ADAMTS2: variants seen among roughly 807,000 people sequenced by gnomAD.
ADAMTS2 encodes ADAM metallopeptidase with thrombospondin type 1 motif 2.
A neutral mutation model predicts 123.0 loss-of-function variants in ADAMTS2; 50 were observed. That is an observed-to-expected ratio of 0.41 (90% confidence interval 0.32 to 0.51). The LOEUF is 0.51. Among genes scored for constraint, ADAMTS2 ranks in the 20% least tolerant of loss-of-function variants. The pLI, the probability that ADAMTS2 is intolerant of heterozygous loss-of-function variation, is 0.35. For missense variants in ADAMTS2, 1,494 were observed against 1,705.2 expected, an observed-to-expected ratio of 0.88 and a Z score of 2.18; for synonymous variants, 678 against 695.4, an observed-to-expected ratio of 0.98 and a Z score of 0.39.
intron 13 of ADAMTS2, among the ~76,000 whole-genome samples, chr5:179,133,295 T>C (rs1324461096): frequency 1.3e-5 from 2 of 152,134 alleles, no homozygotes; most frequent in Non-Finnish European, 2.9e-5. Flanking sequence ...TGAGACGGAA[T>C]CTTGCTCTGT....
Position 179,225,738 on chromosome 5 carries a change from C to A in ADAMTS2, c.689-18023G>T, listed in dbSNP as rs1765267843. On this transcript the variant is annotated intron_variant, in intron 3 of 21. Coordinates refer to ENST00000251582, the MANE Select transcript of ADAMTS2 (RefSeq NM_014244.5). This position sits in a 1 kb window ranked among gnomAD's most constrained non-coding sequence, Gnocchi z 4.5. Reference sequence around the variant, plus strand: ...CCGACTCCAGGGAAAGCCCTTTGCACCCCATCCTCCTTCTGGCTTCCCCCA... The same window carrying A: ...CCGACTCCAGGGAAAGCCCTTTGCAACCCATCCTCCTTCTGGCTTCCCCCA... 6.6e-6 allele frequency among the ~76,000 whole-genome samples: 1 copy of A among 152,178 alleles called. No homozygotes were observed. The highest frequency in any genetic ancestry group is 1.5e-5 in the Non-Finnish European group (1 of 68,024).
At position 179,122,670 on chromosome 5, in the gene ADAMTS2, C is replaced by T. The variant is rs2113181448; in HGVS notation, c.3062G>A (p.Arg1021Lys). ...ICQEERPETA[R>K]TCRLGPCPRN... ...GGGACAGGGGCCAAGCCTGCAGGTC[C>T]TCGCTGTCTCAGGACGCTCCTCCTG... The change falls in exon 20 of 22, where the codon AGG becomes AAG. Residue 1021 changes from arginine (R) to lysine (K), a missense_variant. By Grantham distance (26) the Arg-to-Lys change is conservative. Coordinates refer to ENST00000251582, the MANE Select transcript of ADAMTS2 (RefSeq NM_014244.5). 3.2e-6 allele frequency: 5 copies of T among 1,551,472 alleles called. No homozygotes were observed. The South Asian group carries it at 5.9e-5, about 18-fold the overall frequency.
At chr5:179,293,250 CAA>C (rs1756238143) in intron 2 of ADAMTS2, among the ~76,000 whole-genome samples, 1 of 152,252 alleles carries the variant, frequency 6.6e-6, no homozygotes, top group Non-Finnish European at 1.5e-5. Flanking sequence ...CTAATCTTCA[CAA>C]AAGAGGCAGC....
In ADAMTS2 at chr5:179,332,099, T is replaced by G. The variant is rs1468383299; in HGVS notation, c.534+11668A>C. Reference sequence around the variant, plus strand: ...GGTTGGTGCAAAAGTAACTGTGACCTTGGAATCAGACAGACATGTGTTCAT... The same window carrying G: ...GGTTGGTGCAAAAGTAACTGTGACCGTGGAATCAGACAGACATGTGTTCAT... On this transcript the variant is annotated intron_variant, in intron 2 of 21. Transcript: ENST00000251582. The surrounding 1 kb of genome is among the most constrained non-coding windows in gnomAD (Gnocchi z 4.2). Among the ~76,000 whole-genome samples, 1 of 152,254 alleles carries G rather than the reference T, an allele frequency of 6.6e-6. No individual in the cohort carries two copies. Among genetic ancestry groups the G allele is most frequent in the East Asian group, 1.9e-4 (1 of 5,200 alleles).
At chr5:179,184,244 G>A (rs1216357792) in intron 4 of ADAMTS2, among the ~76,000 whole-genome samples, 8 of 152,228 alleles carry the variant, frequency 5.3e-5, no homozygotes, top group Non-Finnish European at 1.0e-4. Flanking sequence ...CAGGCGCAGT[G>A]GCTCACGCCT....
intron 3 of ADAMTS2, among the ~76,000 whole-genome samples, chr5:179,227,528 C>A (rs1312158326): frequency 6.6e-6 from 1 of 152,100 alleles, no homozygotes; most frequent in Non-Finnish European, 1.5e-5. Context: ...GGCTGCAGGG[C>A]CCCCAGCTGG....
rs376023414 is a variant in ADAMTS2 at position 179,153,366 on chromosome 5, C to T, written c.1515+125G>A. ...GTGGGTGCAGAGGGACAGGCTGCCA[C>T]TCTGGAGGGCCGCTCTGCCCTCCCC... On this transcript the variant is annotated intron_variant, in intron 9 of 21. Coordinates refer to ENST00000251582, the MANE Select transcript of ADAMTS2 (RefSeq NM_014244.5). 5 of 1,460,712 alleles carry T rather than the reference C, an allele frequency of 3.4e-6. No individual in the cohort carries two copies. The South Asian group carries it at 4.9e-5, about 14-fold the overall frequency. The allele number at this position is 1,460,712 out of a possible 1,614,324, so 90.5% of individuals were successfully genotyped here. A position where few individuals can be genotyped will look rare whatever the true frequency, so the allele number is the denominator to read the frequency against.
Position 179,188,090 on chromosome 5 carries a change from C to T in ADAMTS2, c.892-6935G>A, listed in dbSNP as rs114899756. On this transcript the variant is annotated intron_variant, in intron 4 of 21. Coordinates refer to ENST00000251582, the MANE Select transcript of ADAMTS2 (RefSeq NM_014244.5). This position sits in a 1 kb window ranked among gnomAD's most constrained non-coding sequence, Gnocchi z 5.1. ...CTCCCTACTGGGGAGGCCTACTGGCCTGCCAGCCACAGAGGAGACAGGCAG... is the reference window on the plus strand; with the variant it reads ...CTCCCTACTGGGGAGGCCTACTGGCTTGCCAGCCACAGAGGAGACAGGCAG... Among the ~76,000 whole-genome samples, 8,342 of 152,168 alleles carry T rather than the reference C, an allele frequency of 0.055. 246 individuals carry two copies. Among genetic ancestry groups the T allele is most frequent in the African/African-American group, 0.091 (3,799 of 41,528 alleles).
intron 19 of ADAMTS2, among the ~76,000 whole-genome samples, chr5:179,124,200 C>T (rs116326067): frequency 0.011 from 1,728 of 152,290 alleles, 14 homozygotes; most frequent in Middle Eastern, 0.017. Flanking sequence ...ATTACTGAGC[C>T]TGAGGGTGGT....
chr5:179,193,767 C>T (rs1043571429), intron 4 of ADAMTS2, among the ~76,000 whole-genome samples: 1 of 152,218 alleles, frequency 6.6e-6, no homozygotes, highest in African/African-American at 2.4e-5. Flanking sequence ...CTCTCTGGGT[C>T]CGATACAAAG....
chr5:179,149,834 C>G (rs1157948948), intron 10 of ADAMTS2, among the ~76,000 whole-genome samples: 1 of 152,164 alleles, frequency 6.6e-6, no homozygotes, highest in African/African-American at 2.4e-5. Context: ...CCTCGGGAAC[C>G]AGGGGAGGCT....
chr5:179,334,850 A>C (rs1757572183), intron 2 of ADAMTS2, among the ~76,000 whole-genome samples: 1 of 152,252 alleles, frequency 6.6e-6, no homozygotes, highest in Non-Finnish European at 1.5e-5. Flanking sequence ...TCCTTGAAAT[A>C]ATCCTGATTT....
intron 10 of ADAMTS2, among the ~76,000 whole-genome samples, chr5:179,149,159 G>C (rs1212681925): frequency 6.6e-6 from 1 of 152,196 alleles, no homozygotes; most frequent in South Asian, 2.1e-4. Flanking sequence ...ATATGGTGAA[G>C]CCCTAACCCC....
intron 2 of ADAMTS2, among the ~76,000 whole-genome samples, chr5:179,328,101 G>T (rs1295657321): frequency 6.6e-6 from 1 of 152,166 alleles, no homozygotes; most frequent in Non-Finnish European, 1.5e-5. Context: ...CAAGCGATCT[G>T]AGCTCACTGC....
chr5:179,154,793 A>C, intron 7 of ADAMTS2, 21 bp downstream of exon 7: 1 of 1,589,824 alleles, frequency 6.3e-7, no homozygotes, highest in Non-Finnish European at 8.6e-7. Flanking sequence ...TCTGTGCCCC[A>C]CCCTTCCCCA....
chr5:179,171,694 G>A (rs1273991792), intron 5 of ADAMTS2, among the ~76,000 whole-genome samples: 1 of 152,206 alleles, frequency 6.6e-6, no homozygotes. Flanking sequence ...GGAAGGCGGG[G>A]TAGGGCCAGG....
Position 179,195,050 on chromosome 5 carries a change from C to A in ADAMTS2, c.891+12463G>T, listed in dbSNP as rs115550297. ...CCTCATTAGAGGCAACTGCGGTGGC[C>A]CTTGTCCGAGGAGCCTTCCCTGACC... On this transcript the variant is annotated intron_variant, in intron 4 of 21. Coordinates refer to ENST00000251582, the MANE Select transcript of ADAMTS2 (RefSeq NM_014244.5). Among the ~76,000 whole-genome samples the A allele has an allele frequency of 1.5e-3, 228 of 152,264 alleles. 2 individuals are homozygous for A. The highest frequency in any genetic ancestry group is 4.8e-3 in the African/African-American group (201 of 41,546).
chr5:179,216,684 T>G (rs1764990703), intron 3 of ADAMTS2, among the ~76,000 whole-genome samples: 1 of 152,256 alleles, frequency 6.6e-6, no homozygotes, highest in Non-Finnish European at 1.5e-5. Flanking sequence ...GGAGCCTCCA[T>G]CCAGCGGGGG....
intron 20 of ADAMTS2, 112 bp from the exon 21 acceptor site, chr5:179,121,862 T>C (rs1762770080): frequency 3.0e-6 from 2 of 676,936 alleles, no homozygotes; most frequent in South Asian, 2.4e-5. Flanking sequence ...TTCAAGGCCC[T>C]CGCCTCCCCG....
Sources: allele counts gnomAD v4.1 joint callset (sites outside exome capture counted in the v4.1 genomes callset), GRCh38; gene constraint gnomAD v4.1.1; non-coding constraint Gnocchi (gnomAD v3.1); transcripts MANE v1.5; gene names NCBI Gene and HGNC (gene_info 2026-07-23, HGNC 2026-07-21).